The following TUNAR variants were observed in gnomAD, a reference collection of about 807,000 sequenced individuals.
The protein encoded by TUNAR is protein TUNAR.
intron 2 of TUNAR, among the ~76,000 whole-genome samples, chr14:95,880,562 G>C (rs114193348): frequency 6.6e-6 from 1 of 152,186 alleles, no homozygotes; most frequent in Non-Finnish European, 1.5e-5. Flanking sequence ...CATTCTATCT[G>C]TGTAGCTTTA....
intron 2 of TUNAR, among the ~76,000 whole-genome samples, chr14:95,880,998 T>C (rs1053215882): frequency 6.6e-6 from 1 of 152,190 alleles, no homozygotes; most frequent in Admixed American, 6.5e-5. Context: ...AACCATGCAA[T>C]GTTTTAAATG....
At chr14:95,901,657 T>C (rs1889355911) in intron 2 of TUNAR, among the ~76,000 whole-genome samples, 1 of 152,250 alleles carries the variant, frequency 6.6e-6, no homozygotes, top group African/African-American at 2.4e-5. Context: ...TACTCATTCA[T>C]TGAGCCTCTG....
At chr14:95,899,801 G>C (rs1889321798) in intron 2 of TUNAR, among the ~76,000 whole-genome samples, 1 of 152,150 alleles carries the variant, frequency 6.6e-6, no homozygotes. Flanking sequence ...CAAAGGCCCT[G>C]CTTCCTAATA....
At chr14:95,883,480 G>A (rs186259022) in intron 2 of TUNAR, among the ~76,000 whole-genome samples, 2 of 152,332 alleles carry the variant, frequency 1.3e-5, no homozygotes, top group Non-Finnish European at 2.9e-5. Flanking sequence ...ACTAGCTCTG[G>A]TCCAGGCACT....
chr14:95,904,720 G>A (rs1889404182), intron 2 of TUNAR, among the ~76,000 whole-genome samples: 1 of 152,172 alleles, frequency 6.6e-6, no homozygotes, highest in Admixed American at 6.5e-5. Flanking sequence ...TCCAGGCCTC[G>A]GGCCCTGATT....
chr14:95,891,593 T>C (rs941047639), intron 2 of TUNAR, among the ~76,000 whole-genome samples: 2 of 152,014 alleles, frequency 1.3e-5, no homozygotes, highest in Non-Finnish European at 2.9e-5. Flanking sequence ...TGGACCAGAG[T>C]CTCTGCTGCC....
intron 2 of TUNAR, among the ~76,000 whole-genome samples, chr14:95,912,182 A>G (rs1293949747): frequency 6.6e-6 from 1 of 152,250 alleles, no homozygotes; most frequent in East Asian, 1.9e-4. Flanking sequence ...ACTATGTTAT[A>G]GAACATTTCT....
intron 2 of TUNAR, among the ~76,000 whole-genome samples, chr14:95,913,131 C>T (rs1314451278): frequency 6.8e-6 from 1 of 146,014 alleles, no homozygotes; most frequent in Admixed American, 6.8e-5. Flanking sequence ...TTGTCACCAT[C>T]ATTTTCTTTC....
At chr14:95,877,013 C>G (rs1291283159) in exon 2 of TUNAR, 1 of 152,380 alleles carries the variant, frequency 6.6e-6, no homozygotes, top group Middle Eastern at 3.4e-3. Context: ...CCGGCGGCGG[C>G]CAGCGGGTCA....
At chr14:95,900,351 C>T (rs576523941) in intron 2 of TUNAR, among the ~76,000 whole-genome samples, 2 of 152,224 alleles carry the variant, frequency 1.3e-5, no homozygotes, top group African/African-American at 2.4e-5. Context: ...GAATTGTGCT[C>T]GGGGGAACTG....
chr14:95,882,371 A>C (rs539248779), intron 2 of TUNAR, among the ~76,000 whole-genome samples: 1 of 152,366 alleles, frequency 6.6e-6, no homozygotes, highest in East Asian at 1.9e-4. Context: ...ATACGTGATT[A>C]CTGCGAACAC....
At chr14:95,891,270 C>G (rs376283212) in intron 2 of TUNAR, among the ~76,000 whole-genome samples, 1 of 152,216 alleles carries the variant, frequency 6.6e-6, no homozygotes, top group Middle Eastern at 3.2e-3. Context: ...TTGAGAGGAA[C>G]CTTTCACTCA....
chr14:95,883,401 C>T (rs74085731), intron 2 of TUNAR, among the ~76,000 whole-genome samples: 2,893 of 152,270 alleles, frequency 0.019, 59 homozygotes, highest in East Asian at 0.08. Context: ...ATCCACCCCC[C>T]CAACACACAC....
chr14:95,880,493 G>C (rs74085720), intron 2 of TUNAR, among the ~76,000 whole-genome samples: 2,805 of 152,234 alleles, frequency 0.018, 55 homozygotes, highest in East Asian at 0.08. Context: ...TAGGATCCAT[G>C]TGGCAGAAGA....
intron 2 of TUNAR, among the ~76,000 whole-genome samples, chr14:95,894,452 T>C (rs553078487): frequency 2.0e-5 from 3 of 152,306 alleles, no homozygotes; most frequent in African/African-American, 4.8e-5. Flanking sequence ...ACAGCCACAC[T>C]AGCAGGAGGA....
intron 2 of TUNAR, among the ~76,000 whole-genome samples, chr14:95,885,358 A>C (rs1046718420): frequency 6.6e-6 from 1 of 152,238 alleles, no homozygotes; most frequent in Non-Finnish European, 1.5e-5. Context: ...TTATGGTTTC[A>C]GAGACAGTTG....
chr14:95,888,734 C>T (rs1889117805), intron 2 of TUNAR, among the ~76,000 whole-genome samples: 1 of 152,076 alleles, frequency 6.6e-6, no homozygotes, highest in Non-Finnish European at 1.5e-5. Context: ...GATCGAGCCT[C>T]AGAAGTCACA....
At chr14:95,884,715 G>T (rs1889044987) in intron 2 of TUNAR, among the ~76,000 whole-genome samples, 1 of 152,096 alleles carries the variant, frequency 6.6e-6, no homozygotes, top group Non-Finnish European at 1.5e-5. Context: ...TGATCCCAGG[G>T]CCCTGTCATC....
chr14:95,925,117 A>T (rs529327968), exon 3 of TUNAR: 1 of 152,194 alleles, frequency 6.6e-6, no homozygotes, highest in Non-Finnish European at 1.5e-5. Flanking sequence ...GATGCTTTGG[A>T]TACTTGGAGT....
Sources: gnomAD v4.1 joint callset for allele counts (sites outside exome capture counted in the v4.1 genomes callset) on GRCh38, gnomAD v4.1.1 for gene constraint, MANE v1.5 for transcripts, NCBI Gene and HGNC (gene_info 2026-07-23, HGNC 2026-07-21) for gene names.